ABCC4: variants seen among roughly 807,000 people sequenced by gnomAD.
ABCC4 encodes ATP-binding cassette sub-family C member 4.
ABCC4 carries 102 observed loss-of-function variants against 168.5 expected under a neutral mutation model. The observed-to-expected ratio is 0.61, with a 90% CI of 0.52 to 0.71. The LOEUF (loss-of-function observed/expected upper bound fraction) is 0.71. ABCC4 is among the 30% of genes least tolerant of loss of function. The pLI is 0.00. For missense variants in ABCC4, 1,402 were observed against 1,605.8 expected (o/e 0.87, Z 2.17); for synonymous variants, 617 against 590.7 (o/e 1.04, Z -0.65).
At chr13:95,275,856 G>T (rs1324751814) in intron 1 of ABCC4, among the ~76,000 whole-genome samples, 1 of 151,916 alleles carries the variant, frequency 6.6e-6, no homozygotes, top group Non-Finnish European at 1.5e-5. Context: ...AAGTGGGTAC[G>T]CTAATTATAA....
At position 95,183,236 on chromosome 13, in the gene ABCC4, G is replaced by C. The variant is rs369843032; in HGVS notation, c.1545+3465C>G. On this transcript the variant is annotated intron_variant, in intron 11 of 30. Coordinates refer to ENST00000645237, the MANE Select transcript of ABCC4 (RefSeq NM_005845.5). ...TTGCATTTTACAGACATTGCCTGCAGTCTTTATAATCCTGCTGTATCTCCC... is the reference window on the plus strand; with the variant it reads ...TTGCATTTTACAGACATTGCCTGCACTCTTTATAATCCTGCTGTATCTCCC... Among the ~76,000 whole-genome samples, 8 of 152,218 alleles carry C rather than the reference G, an allele frequency of 5.3e-5. No homozygotes were observed. The East Asian group carries it at 1.2e-3, about 22-fold the overall frequency.
chr13:95,174,730 G>T (rs886805645), intron 13 of ABCC4, among the ~76,000 whole-genome samples: 2 of 152,152 alleles, frequency 1.3e-5, no homozygotes, highest in African/African-American at 4.8e-5. Flanking sequence ...ATAAAGAACT[G>T]GTGGGGCCTC....
rs145527616 is a variant in ABCC4 at position 95,072,834 on chromosome 13, C to A, written c.3018+370G>T. 2.0e-5 allele frequency among the ~76,000 whole-genome samples: 3 copies of A among 152,158 alleles called. No individual in the cohort carries two copies. The East Asian group carries it at 5.8e-4, about 29-fold the overall frequency. The stretch of plus-strand genomic sequence containing the variant: ...CCTATTAATTAAATGTAAACAACCT[C>A]AAAATACTGAAGTCTTCTTTTAACA... On this transcript the variant is annotated intron_variant, in intron 24 of 30. Coordinates refer to ENST00000645237, the MANE Select transcript of ABCC4 (RefSeq NM_005845.5).
intron 23 of ABCC4, chr13:95,073,598 T>C: frequency 4.1e-6 from 1 of 246,086 alleles, no homozygotes; most frequent in East Asian, 8.7e-5. Context: ...CATTCATTAT[T>C]ATGGTTTCAA....
intron 1 of ABCC4, among the ~76,000 whole-genome samples, chr13:95,262,103 TG>T (rs1343877106): frequency 6.6e-6 from 1 of 152,096 alleles, no homozygotes; most frequent in Non-Finnish European, 1.5e-5. Context: ...GCAACATGCC[TG>T]GGGGGCAGCT....
chr13:95,054,020 C>CTTTTTTT (rs1566375296), intron 26 of ABCC4: 3 of 73,186 alleles, frequency 4.1e-5, no homozygotes, highest in African/African-American at 7.1e-5. Context: ...AATGGGACAT[C>CTTTTTTT]CTTTTTTTTT....
intron 20 of ABCC4, among the ~76,000 whole-genome samples, chr13:95,094,530 A>C (rs1446102887): frequency 6.6e-6 from 1 of 152,248 alleles, no homozygotes; most frequent in Non-Finnish European, 1.5e-5. Flanking sequence ...AAGATGGATC[A>C]GAGACTTAAA....
chr13:95,285,891 T>C (rs1242068240), intron 1 of ABCC4, among the ~76,000 whole-genome samples: 6 of 152,096 alleles, frequency 3.9e-5, no homozygotes, highest in Non-Finnish European at 8.8e-5. Flanking sequence ...CTGCAGTGTA[T>C]TGACTGGGTT....
At chr13:95,244,669 G>GAAAGAAATAAAT (rs780621852) in intron 3 of ABCC4, among the ~76,000 whole-genome samples, 1 of 68,028 alleles carries the variant, frequency 1.5e-5, no homozygotes, top group African/African-American at 7.6e-5. Flanking sequence ...AAGAAAGAAA[G>GAAAGAAATAAAT]AAATCATAGC....
chr13:95,058,567 C>CAAAAAAAAAAAAAAAAAAAAAAAAAA (rs1165324016), intron 26 of ABCC4, among the ~76,000 whole-genome samples: 5 of 62,790 alleles, frequency 8.0e-5, no homozygotes, highest in Non-Finnish European at 8.8e-5. Context: ...GACTCCATCT[C>CAAAAAAAAAAAAAAAAAAAAAAAAAA]AAAAAAAAAA....
intron 4 of ABCC4, among the ~76,000 whole-genome samples, chr13:95,219,840 CA>C (rs2039262160): frequency 6.8e-6 from 1 of 146,724 alleles, no homozygotes; most frequent in Non-Finnish European, 1.5e-5. Context: ...TCTTTTTTAT[CA>C]TGTTTTTCTT....
At position 95,248,192 on chromosome 13, in the gene ABCC4, A is replaced by G. The variant is rs1429038122; in HGVS notation, c.75-439T>C. Among the ~76,000 whole-genome samples, 53 of 152,240 alleles carry G rather than the reference A, an allele frequency of 3.5e-4. 1 individual carries two copies. Reference sequence around the variant, plus strand: ...GGACCCAGCTTGACGGGGTCCCACTAGACAAGTCTGTGATAATGGAAGCAT... The same window carrying G: ...GGACCCAGCTTGACGGGGTCCCACTGGACAAGTCTGTGATAATGGAAGCAT... On this transcript the variant is annotated intron_variant, in intron 1 of 30. Transcript: ENST00000645237.
chr13:95,089,266 G>C (rs183646002), intron 20 of ABCC4, among the ~76,000 whole-genome samples: 1 of 152,252 alleles, frequency 6.6e-6, no homozygotes, highest in Admixed American at 6.5e-5. Context: ...TAGAGAATTG[G>C]AATCCAGCAT....
chr13:95,045,107 A>G (rs1333111796), intron 27 of ABCC4, among the ~76,000 whole-genome samples: 7 of 152,212 alleles, frequency 4.6e-5, no homozygotes, highest in African/African-American at 1.7e-4. Flanking sequence ...CATGACAGCC[A>G]ACAAGAACCC....
chr13:95,150,820 C>T (rs1003828950), intron 19 of ABCC4, among the ~76,000 whole-genome samples: 1 of 152,180 alleles, frequency 6.6e-6, no homozygotes, highest in Non-Finnish European at 1.5e-5. Context: ...AGACCTCCCC[C>T]AGTGGCTCAG....
At chr13:95,025,522 G>A (rs73555528) in intron 30 of ABCC4, among the ~76,000 whole-genome samples, 6,055 of 53,012 alleles carry the variant, frequency 0.11, 685 homozygotes, top group African/African-American at 0.33. Context: ...CACCACACAC[G>A]CAGCCTCTCT....
chr13:95,187,422 T>C (rs2038103166), intron 10 of ABCC4, among the ~76,000 whole-genome samples: 1 of 151,780 alleles, frequency 6.6e-6, no homozygotes, highest in Admixed American at 6.6e-5. Flanking sequence ...CTGGCCAACA[T>C]GGTGAAACCC....
At chr13:95,174,489 T>C (rs968737243) in intron 13 of ABCC4, among the ~76,000 whole-genome samples, 3 of 152,192 alleles carry the variant, frequency 2.0e-5, no homozygotes, top group African/African-American at 7.2e-5. Context: ...CCCCAAAGAA[T>C]GTGATTCTGA....
chr13:95,186,926 C>T (rs1480381607), intron 10 of ABCC4, 34 bp from the exon 11 acceptor site: 2 of 1,566,736 alleles, frequency 1.3e-6, no homozygotes, highest in Admixed American at 3.7e-5. Flanking sequence ...CATGTTCAGT[C>T]AACACTCGAG....
Sources: gnomAD v4.1 joint callset for allele counts (sites outside exome capture counted in the v4.1 genomes callset) on GRCh38, gnomAD v4.1.1 for gene constraint, MANE v1.5 for transcripts, NCBI Gene and HGNC (gene_info 2026-07-23, HGNC 2026-07-21) for gene names.